The following TRPC4AP variants were observed in gnomAD, a reference collection of about 807,000 sequenced individuals.
TRPC4AP encodes transient receptor potential cation channel subfamily C member 4 associated protein, also known as short transient receptor potential channel 4-associated protein.
In TRPC4AP, 45 loss-of-function variants were observed where a neutral mutation model predicts 99.0. The observed-to-expected ratio is 0.45, with a 90% CI of 0.36 to 0.58. TRPC4AP has a LOEUF of 0.58. Ranked by LOEUF, TRPC4AP falls within the 20% of genes least tolerant of loss-of-function variation. The pLI, the probability that TRPC4AP is intolerant of heterozygous loss-of-function variation, is 0.00. For synonymous variants in TRPC4AP, 408 were observed against 385.8 expected (o/e 1.06, Z -0.67); for missense variants, 879 against 985.3 (o/e 0.89, Z 1.44).
At chr20:35,091,436 G>C (rs2085063944) in intron 1 of TRPC4AP, among the ~76,000 whole-genome samples, 1 of 152,030 alleles carries the variant, frequency 6.6e-6, no homozygotes, top group South Asian at 2.1e-4. Flanking sequence ...GTCATTTGAG[G>C]AAGTGATATT....
intron 11 of TRPC4AP, among the ~76,000 whole-genome samples, chr20:35,010,986 C>T (rs8123978): frequency 0.082 from 12,504 of 152,258 alleles, 598 homozygotes; most frequent in South Asian, 0.13. Flanking sequence ...TGAGGCCGGG[C>T]GCGGTGGTTC....
chr20:35,056,499 T>C (rs528150989), intron 4 of TRPC4AP, among the ~76,000 whole-genome samples: 25 of 60,528 alleles, frequency 4.1e-4, no homozygotes, highest in Non-Finnish European at 6.2e-5. Flanking sequence ...AAAATGAATA[T>C]AAATCCTCTT....
At chr20:35,080,902 G>T (rs943148863) in intron 1 of TRPC4AP, among the ~76,000 whole-genome samples, 10 of 151,560 alleles carry the variant, frequency 6.6e-5, no homozygotes, top group Non-Finnish European at 1.3e-4. Context: ...CAATAAAGCT[G>T]CTATAAAAAC....
intron 8 of TRPC4AP, among the ~76,000 whole-genome samples, chr20:35,025,726 G>A (rs775093727): frequency 1.3e-5 from 2 of 151,970 alleles, no homozygotes; most frequent in Admixed American, 6.6e-5. Flanking sequence ...CATTCTGTGG[G>A]TTCTCTTTTC....
Position 35,092,732 on chromosome 20 carries a change from C to T in TRPC4AP, c.50G>A (p.Arg17Gln). The T allele has an allele frequency of 1.3e-6, 2 of 1,561,294 alleles. No individual in the cohort carries two copies. The highest frequency in any genetic ancestry group is 1.7e-6 in the Non-Finnish European group (2 of 1,164,972). Reference protein sequence around the residue: ...AAGSGAGRGRRSAATVAAWGG... With the variant: ...AAGSGAGRGRQSAATVAAWGG... Reference sequence around the variant, plus strand: ...CCAAGCCGCCACTGTGGCTGCCGACCGTCTCCCTCGGCCGGCTCCAGACCC... The same window carrying T: ...CCAAGCCGCCACTGTGGCTGCCGACTGTCTCCCTCGGCCGGCTCCAGACCC... Residue 17 changes from arginine (R) to glutamine (Q), a missense_variant, in exon 1 of 19, where the codon CGG becomes CAG. Transcript: ENST00000252015.
At chr20:35,051,585 T>G (rs905458915) in intron 5 of TRPC4AP, among the ~76,000 whole-genome samples, 1 of 151,606 alleles carries the variant, frequency 6.6e-6, no homozygotes, top group African/African-American at 2.4e-5. Context: ...ATTAATACAT[T>G]TCGGTTCTTC....
intron 3 of TRPC4AP, among the ~76,000 whole-genome samples, chr20:35,060,492 G>A (rs905161045): frequency 2.0e-5 from 3 of 148,958 alleles, no homozygotes; most frequent in African/African-American, 4.9e-5. Flanking sequence ...TCAGGAGGCC[G>A]AGATAGGAGG....
chr20:35,070,505 G>T (rs558149484), intron 2 of TRPC4AP, among the ~76,000 whole-genome samples: 2 of 152,054 alleles, frequency 1.3e-5, no homozygotes, highest in South Asian at 4.2e-4. Context: ...CTGCCTCCCG[G>T]GTTCACGCCA....
chr20:35,066,077 T>A (rs566651491), intron 3 of TRPC4AP, among the ~76,000 whole-genome samples: 1 of 152,030 alleles, frequency 6.6e-6, no homozygotes, highest in Admixed American at 6.5e-5. Context: ...ACTTTAATAA[T>A]TGAAGTATAA....
intron 1 of TRPC4AP, among the ~76,000 whole-genome samples, chr20:35,080,013 T>A (rs868853290): frequency 0.032 from 2,970 of 93,316 alleles, no homozygotes; most frequent in Non-Finnish European, 0.036. Context: ...CAGAGCAAGA[T>A]AAAAAAAAAA....
chr20:35,050,712 C>T (rs1240882530), intron 5 of TRPC4AP, among the ~76,000 whole-genome samples: 2 of 139,488 alleles, frequency 1.4e-5, no homozygotes, highest in Middle Eastern at 3.3e-3. Context: ...GACCCTAACT[C>T]AAAAAAAAAA....
intron 4 of TRPC4AP, among the ~76,000 whole-genome samples, chr20:35,056,274 G>A (rs2083823539): frequency 6.6e-6 from 1 of 152,130 alleles, no homozygotes; most frequent in Admixed American, 6.5e-5. Flanking sequence ...AAAAGGAATT[G>A]GGATTCACTC....
Position 35,028,635 on chromosome 20 carries a change from G to A in TRPC4AP, c.1051+6488C>T, listed in dbSNP as rs116281727. 4.3e-3 allele frequency among the ~76,000 whole-genome samples: 660 copies of A among 152,178 alleles called. 8 individuals carry two copies. The highest frequency in any genetic ancestry group is 0.015 in the African/African-American group (635 of 41,514). ...ATGTTCATGTGCACTTGAGAAGAAC[G>A]TGCATTCTGTAGTAGTTGGGTGGAG... is the stretch of plus-strand genomic sequence containing the variant. On this transcript the variant is annotated intron_variant, in intron 8 of 18. Transcript: ENST00000252015.
In TRPC4AP at chr20:35,092,805, A is replaced by G. The variant is rs1359579992; in HGVS notation, c.-24T>C. The G allele has an allele frequency of 7.3e-6, 11 of 1,500,226 alleles. No homozygotes were observed. The highest frequency in any genetic ancestry group is 1.9e-4 in the Middle Eastern group (1 of 5,336). The allele number at this position is 1,500,226 out of a possible 1,614,324, so 92.9% of individuals were successfully genotyped here. A position where few individuals can be genotyped will look rare whatever the true frequency, so the allele number is the denominator to read the frequency against. On this transcript the variant is annotated 5_prime_UTR_variant, in exon 1 of 19. Coordinates refer to ENST00000252015, the MANE Select transcript of TRPC4AP (RefSeq NM_015638.3). ...ATGTCTCCTCGTCGGACAAACAGGAAGCAAGCGGCCTCGGGGCCGCGGAGA... is the reference window on the plus strand; with the variant it reads ...ATGTCTCCTCGTCGGACAAACAGGAGGCAAGCGGCCTCGGGGCCGCGGAGA...
intron 14 of TRPC4AP, 44 bp downstream of exon 14, chr20:35,007,506 T>C (rs755834155): frequency 1.3e-6 from 2 of 1,598,038 alleles, no homozygotes; most frequent in Non-Finnish European, 1.7e-6. Context: ...ACGCGTGGGC[T>C]GGGGGGAGAC....
chr20:35,026,819 T>G (rs2083041849), intron 8 of TRPC4AP, among the ~76,000 whole-genome samples: 1 of 148,380 alleles, frequency 6.7e-6, no homozygotes, highest in South Asian at 2.1e-4. Context: ...TTGATCCTAT[T>G]ATAAATAAAA....
intron 11 of TRPC4AP, among the ~76,000 whole-genome samples, chr20:35,010,606 C>G (rs2082612724): frequency 6.6e-6 from 1 of 151,972 alleles, no homozygotes; most frequent in African/African-American, 2.4e-5. Flanking sequence ...AAGGCACCAA[C>G]ACCTCAACAG....
chr20:35,077,961 C>T (rs899963981), intron 2 of TRPC4AP, 85 bp downstream of exon 2: 9 of 1,447,816 alleles, frequency 6.2e-6, no homozygotes, highest in Non-Finnish European at 8.4e-6. Flanking sequence ...TTTTTAAAAG[C>T]CAACGGAAGG....
Position 35,003,081 on chromosome 20 carries a change from G to A in TRPC4AP, c.*65C>T. ...CAGGGAGGAACGGGAACAGGGCAGGGCGTGTGGCATCGTACCCACGCTCAC... is the reference window on the plus strand; with the variant it reads ...CAGGGAGGAACGGGAACAGGGCAGGACGTGTGGCATCGTACCCACGCTCAC... On this transcript the variant is annotated 3_prime_UTR_variant, in exon 19 of 19. Coordinates refer to ENST00000252015, the MANE Select transcript of TRPC4AP (RefSeq NM_015638.3). The A allele has an allele frequency of 1.9e-6, 3 of 1,595,508 alleles. No individual in the cohort carries two copies. The highest frequency in any genetic ancestry group is 1.9e-4 in the Middle Eastern group (1 of 5,180).
Sources: allele counts gnomAD v4.1 joint callset (sites outside exome capture counted in the v4.1 genomes callset), GRCh38; gene constraint gnomAD v4.1.1; transcripts MANE v1.5; gene names NCBI Gene and HGNC (gene_info 2026-07-23, HGNC 2026-07-21).